TSPAN33: variants seen among roughly 807,000 people sequenced by gnomAD.
The protein encoded by TSPAN33 is tetraspanin-33.
In TSPAN33, 27 loss-of-function variants were observed where a neutral mutation model predicts 34.8. That is an observed-to-expected ratio of 0.78 (90% CI 0.57 to 1.07). The LOEUF is 1.07. TSPAN33 is among the 50% of genes least tolerant of loss of function. The probability of loss-of-function intolerance (pLI) is 0.00; values close to 1 mark genes in which losing one functional copy is unlikely to be tolerated. For synonymous variants in TSPAN33, 119 were observed against 124.2 expected (o/e 0.96, Z 0.28); for missense variants, 272 against 324.9 (o/e 0.84, Z 1.25).
intron 6 of TSPAN33, 21 bp downstream of exon 6, chr7:129,166,927 A>G (rs374697812): frequency 1.4e-4 from 230 of 1,609,368 alleles, no homozygotes; most frequent in Middle Eastern, 9.4e-4. Flanking sequence ...ATCCTGCCTC[A>G]TTTCCTCCTA....
At chr7:129,156,472 C>T (rs752886451) in intron 1 of TSPAN33, among the ~76,000 whole-genome samples, 5 of 152,156 alleles carry the variant, frequency 3.3e-5, no homozygotes, top group Non-Finnish European at 5.9e-5. Flanking sequence ...GGATGGAGTA[C>T]CTACATGAAT....
rs1398312650 is a variant in TSPAN33, at chr7:129,167,635, G to C, written c.750+75G>C. On this transcript the variant is annotated intron_variant, in intron 7 of 7. Coordinates refer to ENST00000486685, the MANE Select transcript of TSPAN33 (RefSeq NM_178562.5). This position sits in a 1 kb window ranked among gnomAD's most constrained non-coding sequence, Gnocchi z 4.6. ...CTTTGTTTTGGGGAAGGCACCTGGG[G>C]ATCAGCGAGGGTGTCAGGCACTGAC... 6.3e-6 allele frequency: 10 copies of C among 1,577,504 alleles called. No individual in the cohort carries two copies. Among genetic ancestry groups the C allele is most frequent in the Non-Finnish European group, 8.7e-6 (10 of 1,155,032 alleles).
At chr7:129,166,937 A>C (rs749785798) in intron 6 of TSPAN33, 31 bp downstream of exon 6, 1 of 1,603,828 alleles carries the variant, frequency 6.2e-7, no homozygotes, top group South Asian at 1.1e-5. Context: ...ATTTCCTCCT[A>C]GGCAGCGAGC....
In TSPAN33 at chr7:129,161,686, C is replaced by T. The variant is rs1186925154; in HGVS notation, c.110C>T (p.Ser37Phe). The T allele has an allele frequency of 6.2e-7, 1 of 1,614,056 alleles. No homozygotes were observed. The change falls in exon 2 of 8, where the codon TCC becomes TTC. Residue 37 changes from serine to phenylalanine, a missense_variant. Coordinates refer to ENST00000486685, the MANE Select transcript of TSPAN33 (RefSeq NM_178562.5). ...FFFNMLFWVI[S>F]MVMVAVGVYA... Reference sequence around the variant, plus strand: ...CTTTTCCTGTCTCCACAGGTGATTTCCATGGTGATGGTGGCTGTGGGTGTC... The same window carrying T: ...CTTTTCCTGTCTCCACAGGTGATTTTCATGGTGATGGTGGCTGTGGGTGTC...
At chr7:129,163,895 C>G (rs1409777627) in intron 4 of TSPAN33, among the ~76,000 whole-genome samples, 4 of 151,892 alleles carry the variant, frequency 2.6e-5, no homozygotes, top group Non-Finnish European at 4.4e-5. Context: ...AAGCTGAGAT[C>G]GCGCCACTAC....
Position 129,167,279 on chromosome 7 carries a change from T to A in TSPAN33, c.589-120T>A, listed in dbSNP as rs1430992765. The A allele has an allele frequency of 7.9e-7, 1 of 1,258,828 alleles. No individual in the cohort carries two copies. Among genetic ancestry groups the A allele is most frequent in the Non-Finnish European group, 1.1e-6 (1 of 901,868 alleles). The allele number at this position is 1,258,828 out of a possible 1,614,324, so 78.0% of individuals were successfully genotyped here. On this transcript the variant is annotated intron_variant, in intron 6 of 7. Transcript: ENST00000486685. The surrounding 1 kb of genome is among the most constrained non-coding windows in gnomAD (Gnocchi z 4.6). Reference sequence around the variant, plus strand: ...TTTGGCAACTTCCAACCCAATATCCTCCACATATATTCTCTGACAATTTAG... The same window carrying A: ...TTTGGCAACTTCCAACCCAATATCCACCACATATATTCTCTGACAATTTAG...
intron 1 of TSPAN33, among the ~76,000 whole-genome samples, chr7:129,147,726 G>A (rs766784151): frequency 6.6e-6 from 1 of 152,212 alleles, no homozygotes. Flanking sequence ...TGGTTATTGT[G>A]TCTGTGCCTG....
chr7:129,157,424 A>G (rs1810677848), intron 1 of TSPAN33, among the ~76,000 whole-genome samples: 2 of 152,074 alleles, frequency 1.3e-5, no homozygotes, highest in Admixed American at 1.3e-4. Context: ...AGAATTTGAG[A>G]GCTTAGGGGA....
Position 129,165,557 on chromosome 7 carries a change from T to C in TSPAN33, c.459+988T>C, listed in dbSNP as rs1439194696. Among the ~76,000 whole-genome samples, 1 of 152,222 alleles carries C rather than the reference T, an allele frequency of 6.6e-6. No homozygotes were observed. The highest frequency in any genetic ancestry group is 1.5e-5 in the Non-Finnish European group (1 of 68,040). On this transcript the variant is annotated intron_variant, in intron 5 of 7. Coordinates refer to ENST00000486685, the MANE Select transcript of TSPAN33 (RefSeq NM_178562.5). This position sits in a 1 kb window ranked among gnomAD's most constrained non-coding sequence, Gnocchi z 4.5. The stretch of plus-strand genomic sequence containing the variant: ...TTTTGTTTATCCATTCATTCACCAG[T>C]GGAGAAAAGGGTTGCTTCCACCGTT...
rs1373155273 is a variant in TSPAN33, at chr7:129,165,439, G to C, written c.459+870G>C. Among the ~76,000 whole-genome samples the C allele has an allele frequency of 6.6e-6, 1 of 152,196 alleles. No homozygotes were observed. The highest frequency in any genetic ancestry group is 1.5e-5 in the Non-Finnish European group (1 of 68,034). On this transcript the variant is annotated intron_variant, in intron 5 of 7. Coordinates refer to ENST00000486685, the MANE Select transcript of TSPAN33 (RefSeq NM_178562.5). The surrounding 1 kb of genome is among the most constrained non-coding windows in gnomAD (Gnocchi z 4.5). ...TTTTTTGAGTGGGTTATTTCACTTA[G>C]CATGTCTTCAAGTTTCATCTCTGTT...
chr7:129,156,552 G>A (rs1258361596), intron 1 of TSPAN33, among the ~76,000 whole-genome samples: 3 of 152,162 alleles, frequency 2.0e-5, no homozygotes, highest in African/African-American at 4.8e-5. Flanking sequence ...ATTTATATCA[G>A]CATGGGCCCA....
chr7:129,151,575 C>T (rs1440381393), intron 1 of TSPAN33, among the ~76,000 whole-genome samples: 2 of 152,062 alleles, frequency 1.3e-5, no homozygotes, highest in African/African-American at 2.4e-5. Context: ...ACTGATGGCC[C>T]TGAAGTACTG....
chr7:129,149,510 A>T (rs1272334935), intron 1 of TSPAN33, among the ~76,000 whole-genome samples: 1 of 152,154 alleles, frequency 6.6e-6, no homozygotes, highest in Non-Finnish European at 1.5e-5. Context: ...GTGAGCCGAG[A>T]TTATTACATT....
In TSPAN33 at chr7:129,145,008, G is replaced by T. The variant is rs1310837693; in HGVS notation, c.28G>T (p.Ala10Ser). 4.4e-6 allele frequency: 3 copies of T among 682,660 alleles called. No individual in the cohort carries two copies. The allele number at this position is 682,660 out of a possible 1,614,324, so 42.3% of individuals were successfully genotyped here. ...GGCGCGGAGACCCCGGGCGCCGGCC[G>T]CCTCCGGGGAGGAGTTCTCCTTCGT... MARRPRAPA[A>S]SGEEFSFVSP... The change falls in exon 1 of 8, where the codon GCC becomes TCC. Residue 10 changes from alanine (A) to serine (S), a missense_variant. By Grantham distance (99) the Ala-to-Ser change is moderately conservative. Transcript: ENST00000486685.
intron 1 of TSPAN33, among the ~76,000 whole-genome samples, chr7:129,159,378 G>T (rs544425849): frequency 6.6e-6 from 1 of 152,238 alleles, no homozygotes; most frequent in African/African-American, 2.4e-5. Context: ...TCTTTTTCCC[G>T]TACTGTTGGT....
intron 1 of TSPAN33, 102 bp from the exon 2 acceptor site, chr7:129,161,577 C>A: frequency 8.8e-7 from 1 of 1,131,150 alleles, no homozygotes. Flanking sequence ...CCTTTGGGTC[C>A]CAGGAAAGCA....
At chr7:129,163,337 T>C (rs1230183075) in intron 4 of TSPAN33, among the ~76,000 whole-genome samples, 4 of 148,566 alleles carry the variant, frequency 2.7e-5, no homozygotes, top group Non-Finnish European at 4.4e-5. Flanking sequence ...TTCTTTCTTT[T>C]TTTTTTTTTT....
Position 129,167,660 on chromosome 7 carries a change from C to A in TSPAN33, c.750+100C>A. On this transcript the variant is annotated intron_variant, in intron 7 of 7. Coordinates refer to ENST00000486685, the MANE Select transcript of TSPAN33 (RefSeq NM_178562.5). The surrounding 1 kb of genome is among the most constrained non-coding windows in gnomAD (Gnocchi z 4.6). The stretch of plus-strand genomic sequence containing the variant: ...GATCAGCGAGGGTGTCAGGCACTGA[C>A]ATGGCTGAGGGGTAGGGAAAGGGAT... 1 of 1,559,046 alleles carries A rather than the reference C, an allele frequency of 6.4e-7. No homozygotes were observed. Among genetic ancestry groups the A allele is most frequent in the Non-Finnish European group, 8.8e-7 (1 of 1,138,654 alleles).
At chr7:129,145,161 C>T (rs563867063) in intron 1 of TSPAN33, 79 bp downstream of exon 1, 2 of 563,268 alleles carry the variant, frequency 3.6e-6, no homozygotes, top group African/African-American at 2.0e-5. Flanking sequence ...GCCCCACGCG[C>T]GGGAGCCGCA....
Sources: gnomAD v4.1 joint callset for allele counts (sites outside exome capture counted in the v4.1 genomes callset) on GRCh38, gnomAD v4.1.1 for gene constraint, Gnocchi (gnomAD v3.1) non-coding constraint, MANE v1.5 for transcripts, NCBI Gene and HGNC (gene_info 2026-07-23, HGNC 2026-07-21) for gene names.